The following SV2B variants were observed in gnomAD, a reference collection of about 807,000 sequenced individuals.
SV2B encodes synaptic vesicle glycoprotein 2B.
A neutral mutation model predicts 73.9 loss-of-function variants in SV2B; 41 were observed. The ratio of observed to expected loss-of-function variants is 0.56; its 90% CI spans 0.43 to 0.72. The LOEUF (loss-of-function observed/expected upper bound fraction) is 0.72, where lower values mean the gene tolerates loss of function less well. Among genes scored for constraint, SV2B ranks in the 30% least tolerant of loss-of-function variants. The pLI is 0.00. For missense variants in SV2B, 764 were observed against 857.8 expected (o/e 0.89, Z 1.37); for synonymous variants, 314 against 314.2 (o/e 1.00, Z 0.01).
chr15:91,268,432 C>T lies in SV2B; in HGVS notation c.1209-9C>T, dbSNP rs1446248011. ...TTGTTGTTGCAACCTTCTGCCTTCT[C>T]CACTCCAGTTACTATGGACTGACAG... On this transcript the variant is annotated splice_polypyrimidine_tract_variant and intron_variant, in intron 8 of 12. Transcript: ENST00000394232. This position sits in a 1 kb window ranked among gnomAD's most constrained non-coding sequence, Gnocchi z 4.4. The T allele has an allele frequency of 6.2e-7, 1 of 1,608,014 alleles. No individual in the cohort carries two copies. The highest frequency in any genetic ancestry group is 8.5e-7 in the Non-Finnish European group (1 of 1,175,192).
Position 91,242,200 on chromosome 15 carries a change from T to C in SV2B, c.452-9619T>C, listed in dbSNP as rs532518751. On this transcript the variant is annotated intron_variant, in intron 2 of 12. Transcript: ENST00000394232. This position sits in a 1 kb window ranked among gnomAD's most constrained non-coding sequence, Gnocchi z 4.9. ...TTCCACCTGCCCATTGGCTGCTCCT[T>C]CTTGTTCTCCATCACTGGTCTCTCT... Among the ~76,000 whole-genome samples the C allele has an allele frequency of 5.1e-4, 77 of 152,354 alleles. No individual in the cohort carries two copies. The highest frequency in any genetic ancestry group is 8.4e-4 in the Non-Finnish European group (57 of 68,030).
At chr15:91,145,957 C>T (rs2141202150) in intron 1 of SV2B, among the ~76,000 whole-genome samples, 1 of 152,242 alleles carries the variant, frequency 6.6e-6, no homozygotes, top group East Asian at 1.9e-4. Context: ...TTGATAGTTT[C>T]CTTTGCTGTG....
chr15:91,131,278 C>A (rs1218902658), intron 1 of SV2B, among the ~76,000 whole-genome samples: 1 of 150,484 alleles, frequency 6.6e-6, no homozygotes, highest in African/African-American at 2.5e-5. Flanking sequence ...AGCCACTGCA[C>A]CCAGTCCAGG....
chr15:91,275,615 A>G (rs1176539874), intron 9 of SV2B, among the ~76,000 whole-genome samples: 1 of 152,208 alleles, frequency 6.6e-6, no homozygotes, highest in Non-Finnish European at 1.5e-5. Flanking sequence ...GCCTGAGCTC[A>G]GGAGTTCGAG....
intron 1 of SV2B, among the ~76,000 whole-genome samples, chr15:91,187,777 C>A (rs1175978198): frequency 6.6e-6 from 1 of 151,314 alleles, no homozygotes. Flanking sequence ...TTTCTATATT[C>A]ATTTACTAGG....
intron 1 of SV2B, among the ~76,000 whole-genome samples, chr15:91,184,526 C>T (rs1201136827): frequency 1.3e-5 from 2 of 152,132 alleles, no homozygotes; most frequent in Admixed American, 6.5e-5. Context: ...AAGAATCTTC[C>T]CCAAGGCCCT....
At chr15:91,208,713 A>T (rs2045735315) in intron 1 of SV2B, among the ~76,000 whole-genome samples, 1 of 152,184 alleles carries the variant, frequency 6.6e-6, no homozygotes, top group Non-Finnish European at 1.5e-5. Flanking sequence ...CCTCTATGTA[A>T]GAAAGCAATT....
chr15:91,246,300 T>A (rs1360279710), intron 2 of SV2B, among the ~76,000 whole-genome samples: 1 of 152,198 alleles, frequency 6.6e-6, no homozygotes, highest in East Asian at 1.9e-4. Context: ...ATCTTATTTT[T>A]ATTTTTCTAA....
rs1235590785 is a variant in SV2B at position 91,300,290 on chromosome 15, A to AT, written c.*7739dup. Reference sequence around the variant, plus strand: ...AGATTTGGTCTCAGCTTTTTGGTCCATCTGAATCCTGGAAGTCCCCAACTC... The same window carrying AT: ...AGATTTGGTCTCAGCTTTTTGGTCCATTCTGAATCCTGGAAGTCCCCAACTC... On this transcript the variant is annotated 3_prime_UTR_variant, in exon 13 of 13. Coordinates refer to ENST00000394232, the MANE Select transcript of SV2B (RefSeq NM_001323032.3). 3 of 152,138 alleles carry AT rather than the reference A, an allele frequency of 2.0e-5. No individual in the cohort carries two copies. Among genetic ancestry groups the AT allele is most frequent in the Non-Finnish European group, 4.4e-5 (3 of 68,022 alleles). The allele number at this position is 152,138 out of a possible 1,614,324, so 9.4% of individuals were successfully genotyped here. A position where few individuals can be genotyped will look rare whatever the true frequency, so the allele number is the denominator to read the frequency against.
At chr15:91,287,485 A>G (rs2048898908) in intron 11 of SV2B, among the ~76,000 whole-genome samples, 1 of 152,138 alleles carries the variant, frequency 6.6e-6, no homozygotes, top group South Asian at 2.1e-4. Flanking sequence ...CATGTTCTGC[A>G]TCCACCTTGG....
chr15:91,157,642 G>A (rs1052927091), intron 1 of SV2B, among the ~76,000 whole-genome samples: 9 of 152,164 alleles, frequency 5.9e-5, no homozygotes, highest in African/African-American at 2.2e-4. Context: ...TATCATCCCT[G>A]TTTTAGAGAG....
intron 1 of SV2B, among the ~76,000 whole-genome samples, chr15:91,187,673 A>T (rs536383275): frequency 7.2e-4 from 99 of 137,750 alleles, no homozygotes; most frequent in South Asian, 3.4e-3. Flanking sequence ...TTTTTTTTTT[A>T]AATTGTGGCA....
At chr15:91,198,406 CT>C (rs1315928178) in intron 1 of SV2B, among the ~76,000 whole-genome samples, 1 of 149,980 alleles carries the variant, frequency 6.7e-6, no homozygotes, top group African/African-American at 2.5e-5. Flanking sequence ...TTTCTCATTG[CT>C]TTTTCTTCTC....
chr15:91,221,157 T>A (rs1017714614), intron 1 of SV2B, among the ~76,000 whole-genome samples: 2 of 152,188 alleles, frequency 1.3e-5, no homozygotes, highest in Admixed American at 6.5e-5. Context: ...TGAGCCCTCA[T>A]GCCCAGACAA....
Position 91,214,061 on chromosome 15 carries a change from T to C in SV2B, c.-391-11812T>C, listed in dbSNP as rs551879264. On this transcript the variant is annotated intron_variant, in intron 1 of 12. Coordinates refer to ENST00000394232, the MANE Select transcript of SV2B (RefSeq NM_001323032.3). The surrounding 1 kb of genome is among the most constrained non-coding windows in gnomAD (Gnocchi z 4.7). ...ACCATCAAAGGTAGCATCTTCCACT[T>C]TGGGAAACACTTAACTTGGAAATCA... is the stretch of plus-strand genomic sequence containing the variant. Among the ~76,000 whole-genome samples, 6 of 152,340 alleles carry C rather than the reference T, an allele frequency of 3.9e-5. No homozygotes were observed. The East Asian group carries it at 1.2e-3, about 29-fold the overall frequency.
intron 9 of SV2B, among the ~76,000 whole-genome samples, chr15:91,273,338 C>T (rs945467165): frequency 6.6e-6 from 1 of 152,200 alleles, no homozygotes. Context: ...TAGGATTCCA[C>T]ATCAGAATGT....
chr15:91,218,285 C>T (rs2046101925), intron 1 of SV2B, among the ~76,000 whole-genome samples: 1 of 152,134 alleles, frequency 6.6e-6, no homozygotes, highest in Non-Finnish European at 1.5e-5. Context: ...CTCTGTGTCC[C>T]TGTGTCTTCA....
At position 91,258,252 on chromosome 15, in the gene SV2B, GCTTATGA is replaced by G. The variant is rs1248642567; in HGVS notation, c.785-166_785-160del. 6.6e-6 allele frequency among the ~76,000 whole-genome samples: 1 copy of G among 152,136 alleles called. No homozygotes were observed. Among genetic ancestry groups the G allele is most frequent in the Non-Finnish European group, 1.5e-5 (1 of 68,032 alleles). ...TGTCAAGATGCAGCTCCTATCCCAG[GCTTATGA>G]CTCAGAAGCTTCGGAGGCACAGCTG... is the stretch of plus-strand genomic sequence containing the variant. On this transcript the variant is annotated intron_variant, in intron 4 of 12. Coordinates refer to ENST00000394232, the MANE Select transcript of SV2B (RefSeq NM_001323032.3). This position sits in a 1 kb window ranked among gnomAD's most constrained non-coding sequence, Gnocchi z 4.7.
intron 1 of SV2B, among the ~76,000 whole-genome samples, chr15:91,149,653 G>A (rs972441301): frequency 1.2e-4 from 18 of 152,164 alleles, no homozygotes; most frequent in African/African-American, 4.3e-4. Context: ...AGATCCCATT[G>A]TCTTATGTAG....
Sources: gnomAD v4.1 joint callset for allele counts (sites outside exome capture counted in the v4.1 genomes callset) on GRCh38, gnomAD v4.1.1 for gene constraint, Gnocchi (gnomAD v3.1) non-coding constraint, MANE v1.5 for transcripts, NCBI Gene and HGNC (gene_info 2026-07-23, HGNC 2026-07-21) for gene names.